Variants in MEIS2 observed in about 807,000 individuals in gnomAD.
The protein encoded by MEIS2 is Meis homeobox 2.
Under a neutral mutation model 58.6 loss-of-function variants are expected in MEIS2, and 9 were observed. That is an observed-to-expected ratio of 0.15 (90% CI 0.09 to 0.27). The LOEUF (loss-of-function observed/expected upper bound fraction) is 0.27. Among genes scored for constraint, MEIS2 ranks in the 10% least tolerant of loss-of-function variants. The pLI, the probability that MEIS2 is intolerant of heterozygous loss-of-function variation, is 1.00. For missense variants in MEIS2, 427 were observed against 635.0 expected (o/e 0.67, Z 3.52); for synonymous variants, 221 against 228.4 (o/e 0.97, Z 0.29).
At chr15:36,916,265 A>G (rs949554561) in intron 9 of MEIS2, among the ~76,000 whole-genome samples, 3 of 151,842 alleles carry the variant, frequency 2.0e-5, no homozygotes, top group African/African-American at 7.3e-5. Context: ...GTCTCTACTA[A>G]AAATACAAAA....
At chr15:37,066,389 C>T (rs962119758) in intron 7 of MEIS2, 8 of 152,114 alleles carry the variant, frequency 5.3e-5, no homozygotes, top group Admixed American at 3.9e-4. Flanking sequence ...GAACTGAATA[C>T]CTTTTATGCA....
At chr15:36,979,236 T>C (rs2059854133) in intron 8 of MEIS2, among the ~76,000 whole-genome samples, 1 of 152,194 alleles carries the variant, frequency 6.6e-6, no homozygotes, top group South Asian at 2.1e-4. Flanking sequence ...GATATTTGAA[T>C]AAAGTGTCTA....
rs773743064 is a variant in MEIS2 at position 37,098,221 on chromosome 15, G to C, written c.13-22C>G. The C allele has an allele frequency of 1.9e-6, 3 of 1,569,166 alleles. No homozygotes were observed. The East Asian group carries it at 6.8e-5, about 36-fold the overall frequency. On this transcript the variant is annotated intron_variant, in intron 1 of 11. Transcript: ENST00000561208. ...CGTACTGTCAGAACCCGGGAAGGGG[G>C]AGGGGGCGCAGGAGGTGAGGGAGAA... is the stretch of plus-strand genomic sequence containing the variant.
intron 8 of MEIS2, among the ~76,000 whole-genome samples, chr15:37,032,500 C>T (rs893782189): frequency 2.0e-5 from 3 of 152,148 alleles, no homozygotes; most frequent in Non-Finnish European, 4.4e-5. Context: ...CATGTGCTAG[C>T]AAAAGGAATG....
At chr15:37,044,650 T>A (rs1338722314) in intron 7 of MEIS2, among the ~76,000 whole-genome samples, 1 of 152,178 alleles carries the variant, frequency 6.6e-6, no homozygotes, top group Non-Finnish European at 1.5e-5. Context: ...CTATTGAACC[T>A]TTAAAACTTA....
rs895691502 is a variant in MEIS2 at position 36,889,522 on chromosome 15, A to G, written c.*2651T>C. ...ATCTCCAAATATTTAAGAAGGTTAAAGTTAACATGATAGGACGTGGGTTTG... is the reference window on the plus strand; with the variant it reads ...ATCTCCAAATATTTAAGAAGGTTAAGGTTAACATGATAGGACGTGGGTTTG... On this transcript the variant is annotated 3_prime_UTR_variant, in exon 12 of 12. Transcript: ENST00000561208. The G allele has an allele frequency of 6.6e-6, 1 of 152,250 alleles. No individual in the cohort carries two copies. The allele number at this position is 152,250 out of a possible 1,614,324, so 9.4% of individuals were successfully genotyped here. A position where few individuals can be genotyped will look rare whatever the true frequency, so the allele number is the denominator to read the frequency against.
At chr15:37,088,565 C>T (rs763924437) in intron 6 of MEIS2, among the ~76,000 whole-genome samples, 6 of 152,162 alleles carry the variant, frequency 3.9e-5, no homozygotes, top group East Asian at 1.9e-4. Context: ...ATTTCAACTC[C>T]GGTGTTGTAA....
chr15:37,086,439 AAAAT>A (rs1490676887), intron 6 of MEIS2, among the ~76,000 whole-genome samples: 1 of 152,218 alleles, frequency 6.6e-6, no homozygotes, highest in Non-Finnish European at 1.5e-5. Flanking sequence ...AAAGGGGTGA[AAAAT>A]AAGCCACAGA....
At chr15:36,892,533 A>AAC in intron 11 of MEIS2, 74 bp from the exon 12 acceptor site, 8 of 1,216,160 alleles carry the variant, frequency 6.6e-6, no homozygotes, top group Non-Finnish European at 6.9e-6. Flanking sequence ...CAAAGATGAA[A>AAC]AGAAAAAAAA....
At chr15:36,982,448 G>A (rs2059958101) in intron 8 of MEIS2, among the ~76,000 whole-genome samples, 1 of 152,028 alleles carries the variant, frequency 6.6e-6, no homozygotes, top group African/African-American at 2.4e-5. Context: ...ATGTCTTCCA[G>A]CTTCATCCAT....
At chr15:37,032,904 A>AT (rs2061986680) in intron 8 of MEIS2, among the ~76,000 whole-genome samples, 2 of 152,148 alleles carry the variant, frequency 1.3e-5, no homozygotes, top group African/African-American at 4.8e-5. Context: ...AAATCACTTG[A>AT]TTTTTTAAAT....
chr15:36,987,753 T>A (rs2060139449), intron 8 of MEIS2, among the ~76,000 whole-genome samples: 1 of 151,474 alleles, frequency 6.6e-6, no homozygotes, highest in Admixed American at 6.6e-5. Flanking sequence ...ATCATCTTCA[T>A]CTGATCTAAA....
At chr15:36,996,772 C>T (rs148125098) in intron 8 of MEIS2, among the ~76,000 whole-genome samples, 219 of 152,290 alleles carry the variant, frequency 1.4e-3, no homozygotes, top group African/African-American at 5.0e-3. Flanking sequence ...GCTGACCAGC[C>T]TTATGATTAA....
intron 9 of MEIS2, among the ~76,000 whole-genome samples, chr15:36,941,084 A>G (rs978886510): frequency 1.3e-5 from 2 of 152,172 alleles, no homozygotes; most frequent in African/African-American, 4.8e-5. Flanking sequence ...ACAAACACGG[A>G]AACACAGAAT....
Position 36,973,797 on chromosome 15 carries a change from T to C in MEIS2, c.901-23397A>G, listed in dbSNP as rs372175981. ...CCTAAAAACTAATGACATTGTTTTC[T>C]TCTTATTTAAAAAAAAAAGCCAGTA... On this transcript the variant is annotated intron_variant, in intron 8 of 11. Coordinates refer to ENST00000561208, the MANE Select transcript of MEIS2 (RefSeq NM_170675.5). Among the ~76,000 whole-genome samples, 224 of 152,286 alleles carry C rather than the reference T, an allele frequency of 1.5e-3. 1 individual carries two copies. Among genetic ancestry groups the C allele is most frequent in the African/African-American group, 5.3e-3 (219 of 41,558 alleles).
chr15:37,047,156 C>T (rs569419000), intron 7 of MEIS2, among the ~76,000 whole-genome samples: 1 of 152,160 alleles, frequency 6.6e-6, no homozygotes, highest in Non-Finnish European at 1.5e-5. Context: ...TCTAATGATT[C>T]ATTTTTAGTG....
chr15:37,042,872 G>A (rs935515939), intron 7 of MEIS2, among the ~76,000 whole-genome samples: 1 of 152,190 alleles, frequency 6.6e-6, no homozygotes, highest in Non-Finnish European at 1.5e-5. Context: ...GACCCTCAGA[G>A]TCCAGAGATG....
At chr15:37,037,374 A>G (rs1364895472) in intron 7 of MEIS2, among the ~76,000 whole-genome samples, 1 of 152,214 alleles carries the variant, frequency 6.6e-6, no homozygotes, top group African/African-American at 2.4e-5. Flanking sequence ...CATAGGTGAC[A>G]GTAACTGTGT....
At chr15:37,007,150 G>A (rs1300308668) in intron 8 of MEIS2, among the ~76,000 whole-genome samples, 1 of 152,166 alleles carries the variant, frequency 6.6e-6, no homozygotes, top group Non-Finnish European at 1.5e-5. Flanking sequence ...TTTGTCTGAG[G>A]GCAATCCGAT....
Sources: allele counts gnomAD v4.1 joint callset (sites outside exome capture counted in the v4.1 genomes callset), GRCh38; gene constraint gnomAD v4.1.1; transcripts MANE v1.5; gene names NCBI Gene and HGNC (gene_info 2026-07-23, HGNC 2026-07-21).